The following P2RY12 variants were observed in gnomAD, a reference collection of about 807,000 sequenced individuals.
P2RY12 encodes the protein purinergic receptor P2Y12.
A neutral mutation model predicts 4.5 loss-of-function variants in P2RY12; 3 were observed. That is an observed-to-expected ratio of 0.67 (90% CI 0.31 to 1.74). The LOEUF (loss-of-function observed/expected upper bound fraction) is 1.74, where lower values mean the gene tolerates loss of function less well. P2RY12 is among the 40% of genes most tolerant of loss of function. P2RY12 has a pLI of 0.09. For synonymous variants in P2RY12, 148 were observed against 154.1 expected (o/e 0.96, Z 0.29); for missense variants, 356 against 407.8 (o/e 0.87, Z 1.09).
At chr3:151,350,352 T>A in intron 1 of P2RY12, 1 of 608,452 alleles carries the variant, frequency 1.6e-6, no homozygotes, top group Non-Finnish European at 2.5e-6. Flanking sequence ...ACAAGCACAT[T>A]TAAATTTTAA....
chr3:151,366,061 CT>C (rs568744158), intron 1 of P2RY12: 854 of 1,292,334 alleles, frequency 6.6e-4, no homozygotes, highest in Non-Finnish European at 8.4e-4. Context: ...AATCTTTTTG[CT>C]TTTGGCTTTT....
rs529658530 is a variant in P2RY12, at chr3:151,337,590, C to T, written c.*227G>A. 11 of 507,098 alleles carry T rather than the reference C, an allele frequency of 2.2e-5. No individual in the cohort carries two copies. The highest frequency in any genetic ancestry group is 1.1e-4 in the Admixed American group (3 of 26,494). The allele number at this position is 507,098 out of a possible 1,614,324, so 31.4% of individuals were successfully genotyped here. The stretch of plus-strand genomic sequence containing the variant: ...TGCATGCAGCATGACAATTGGATGT[C>T]GTTTGTTTTGCTGCTAATACAGCTA... On this transcript the variant is annotated 3_prime_UTR_variant, in exon 3 of 3. Coordinates refer to ENST00000302632, the MANE Select transcript of P2RY12 (RefSeq NM_022788.5).
intron 1 of P2RY12, among the ~76,000 whole-genome samples, chr3:151,370,925 A>T (rs578148523): frequency 6.6e-6 from 1 of 152,264 alleles, no homozygotes; most frequent in South Asian, 2.1e-4. Flanking sequence ...CATCCACATA[A>T]TTTGGAGGAT....
At chr3:151,364,926 C>A in intron 1 of P2RY12, 1 of 1,249,638 alleles carries the variant, frequency 8.0e-7, no homozygotes, top group Non-Finnish European at 1.2e-6. Flanking sequence ...AAATAGTTTT[C>A]TAGTTATTCT....
chr3:151,384,314 G>A, intron 1 of P2RY12: 1 of 1,229,634 alleles, frequency 8.1e-7, no homozygotes, highest in Non-Finnish European at 1.1e-6. Flanking sequence ...GTTATTAATT[G>A]TATTCAACTT....
At chr3:151,366,436 G>A (rs1050428174) in intron 1 of P2RY12, among the ~76,000 whole-genome samples, 2 of 152,182 alleles carry the variant, frequency 1.3e-5, no homozygotes, top group Non-Finnish European at 2.9e-5. Context: ...GGTTACATAA[G>A]AATGTCCAGG....
intron 2 of P2RY12, among the ~76,000 whole-genome samples, 191 bp from the exon 3 acceptor site, chr3:151,339,050 TGAAGA>T (rs1223394209): frequency 6.6e-6 from 1 of 152,182 alleles, no homozygotes; most frequent in African/African-American, 2.4e-5. Flanking sequence ...GCATCTCTGC[TGAAGA>T]GAAATGATCT....
intron 1 of P2RY12, chr3:151,378,261 C>T (rs1711576756): frequency 8.0e-7 from 1 of 1,247,002 alleles, no homozygotes; most frequent in Admixed American, 3.2e-5. Context: ...GTCACTGTAC[C>T]CACAGTCCAC....
intron 1 of P2RY12, among the ~76,000 whole-genome samples, chr3:151,379,559 C>A (rs924581829): frequency 6.6e-6 from 1 of 152,138 alleles, no homozygotes; most frequent in Admixed American, 6.5e-5. Context: ...CACTAGGGGT[C>A]GCCAGCAAGT....
chr3:151,350,120 A>G lies in P2RY12; in HGVS notation c.-179-9360T>C, dbSNP rs1448197201. The G allele has an allele frequency of 2.5e-6, 4 of 1,613,842 alleles. No homozygotes were observed. The Admixed American group carries it at 5.0e-5, about 20-fold the overall frequency. On this transcript the variant is annotated intron_variant, in intron 1 of 2. Coordinates refer to ENST00000302632, the MANE Select transcript of P2RY12 (RefSeq NM_022788.5). The stretch of plus-strand genomic sequence containing the variant: ...ATCCTTCTCTATGGAGTCGGCAAAG[A>G]GCGTGATGAAGCAAGGCATCAGCTG...
chr3:151,348,340 C>CAAAAAAAAA (rs11382065), intron 1 of P2RY12, among the ~76,000 whole-genome samples: 3 of 87,812 alleles, frequency 3.4e-5, no homozygotes, highest in African/African-American at 8.9e-5. Flanking sequence ...ACCACCAGAC[C>CAAAAAAAAA]AAAAAAAAAA....
At position 151,337,764 on chromosome 3, in the gene P2RY12, C is replaced by G; in HGVS notation, c.*53G>C. On this transcript the variant is annotated 3_prime_UTR_variant, in exon 3 of 3. Transcript: ENST00000302632. ...GTTAATATTTTTACTTAGCGCTTTG[C>G]TTTAACGAGTTCTGAACACAAAGAG... 1.3e-6 allele frequency: 2 copies of G among 1,568,576 alleles called. No homozygotes were observed. Among genetic ancestry groups the G allele is most frequent in the Non-Finnish European group, 1.8e-6 (2 of 1,141,762 alleles).
At chr3:151,378,219 T>G in intron 1 of P2RY12, 1 of 1,514,690 alleles carries the variant, frequency 6.6e-7, no homozygotes, top group East Asian at 2.4e-5. Flanking sequence ...AAAGAATAAT[T>G]GAGAAAGTCT....
intron 1 of P2RY12, chr3:151,365,290 GT>G: frequency 8.9e-7 from 1 of 1,118,064 alleles, no homozygotes; most frequent in Non-Finnish European, 1.3e-6. Flanking sequence ...GTTAGTAAGT[GT>G]CTGGACTCAC....
In P2RY12 at chr3:151,338,082, G is replaced by T. The variant is rs768479880; in HGVS notation, c.764C>A (p.Ala255Asp). Residue 255 changes from alanine (A) to aspartate (D), a missense_variant, in exon 3 of 3, where the codon GCC becomes GAC. Coordinates refer to ENST00000302632, the MANE Select transcript of P2RY12 (RefSeq NM_022788.5). ...TTGGCTCAGGGTGTAAGGAATTCGG[G>T]CAAAATGGAAAGGAACAAAACAAAT... ...FFICFVPFHF[A>D]RIPYTLSQTR... 2.5e-6 allele frequency: 4 copies of T among 1,613,834 alleles called. No individual in the cohort carries two copies. Among genetic ancestry groups the T allele is most frequent in the African/African-American group, 1.3e-5 (1 of 74,992 alleles).
rs758252816 is a variant in P2RY12 at position 151,338,650 on chromosome 3, T to C, written c.196A>G (p.Thr66Ala). 1 of 1,613,918 alleles carries C rather than the reference T, an allele frequency of 6.2e-7. No homozygotes were observed. Among genetic ancestry groups the C allele is most frequent in the Admixed American group, 1.7e-5 (1 of 59,928 alleles). ...KSNFIIFLKN[T>A]VISDLLMILT... ...ATCATGAGAAGATCAGAAATGACTGTGTTCTTAAGAAAAATAATAAAGTTT... is the reference window on the plus strand; with the variant it reads ...ATCATGAGAAGATCAGAAATGACTGCGTTCTTAAGAAAAATAATAAAGTTT... Residue 66 changes from threonine (T) to alanine (A), a missense_variant, in exon 3 of 3, where the codon ACA becomes GCA. Transcript: ENST00000302632.
rs144067974 is a variant in P2RY12 at position 151,379,366 on chromosome 3, A to T, written c.-180+5326T>A. 3.8e-3 allele frequency among the ~76,000 whole-genome samples: 576 copies of T among 152,342 alleles called. 1 individual carries two copies. The highest frequency in any genetic ancestry group is 0.013 in the African/African-American group (558 of 41,580). On this transcript the variant is annotated intron_variant, in intron 1 of 2. Coordinates refer to ENST00000302632, the MANE Select transcript of P2RY12 (RefSeq NM_022788.5). The stretch of plus-strand genomic sequence containing the variant: ...AATATTTTGGCCTAGGTCTCATTTT[A>T]AGAAATTTGTCTTTCCAACATGGCG...
At chr3:151,357,966 C>T (rs149226562) in intron 1 of P2RY12, among the ~76,000 whole-genome samples, 56 of 152,304 alleles carry the variant, frequency 3.7e-4, no homozygotes, top group African/African-American at 1.3e-3. Context: ...TAAATGAGCT[C>T]TCAAAAACTT....
chr3:151,364,826 A>G (rs1314706115), intron 1 of P2RY12, among the ~76,000 whole-genome samples: 1 of 152,196 alleles, frequency 6.6e-6, no homozygotes, highest in African/African-American at 2.4e-5. Flanking sequence ...GATTAGCGCC[A>G]ATTAGTAAGA....
Sources: gnomAD v4.1 joint callset for allele counts (sites outside exome capture counted in the v4.1 genomes callset) on GRCh38, gnomAD v4.1.1 for gene constraint, MANE v1.5 for transcripts, NCBI Gene and HGNC (gene_info 2026-07-23, HGNC 2026-07-21) for gene names.